PLCH2: variants seen among roughly 807,000 people sequenced by gnomAD.
PLCH2 encodes phospholipase C eta 2.
In PLCH2, 98 loss-of-function variants were observed where a neutral mutation model predicts 134.7. The ratio of observed to expected loss-of-function variants is 0.73; its 90% CI spans 0.62 to 0.86. The LOEUF (loss-of-function observed/expected upper bound fraction) is 0.86. Among genes scored for constraint, PLCH2 ranks in the 40% least tolerant of loss-of-function variants. The pLI is 0.00. For missense variants in PLCH2, 1,994 were observed against 1,986.6 expected (o/e 1.00, Z -0.07); for synonymous variants, 974 against 827.5 (o/e 1.18, Z -3.04).
chr1:2,447,088 C>T (rs190949031), intron 2 of PLCH2, among the ~76,000 whole-genome samples: 8 of 152,342 alleles, frequency 5.3e-5, no homozygotes, highest in Non-Finnish European at 8.8e-5. Context: ...GTGTCGATTC[C>T]GGGGTCTCCA....
intron 2 of PLCH2, among the ~76,000 whole-genome samples, chr1:2,443,142 C>A (rs376996750): frequency 6.6e-6 from 1 of 152,198 alleles, no homozygotes; most frequent in Non-Finnish European, 1.5e-5. Context: ...CTCCCTCCCC[C>A]CAGAGGTGGG....
chr1:2,464,581 G>T (rs549849055), upstream of PLCH2, among the ~76,000 whole-genome samples: 44 of 152,334 alleles, frequency 2.9e-4, no homozygotes, highest in South Asian at 2.3e-3. Flanking sequence ...AACTTTTGCT[G>T]CAGGATGGCT....
At position 2,502,421 on chromosome 1, in the gene PLCH2, G is replaced by A; in HGVS notation, c.2959+12G>A. On this transcript the variant is annotated intron_variant, in intron 21 of 21. Coordinates refer to ENST00000378486, the MANE Select transcript of PLCH2 (RefSeq NM_014638.4). ...CGGCAGCCCCCGAGGTAAGGCGCCA[G>A]CTGCGGTGGCAGAGAAGAGCCCTGT... is the stretch of plus-strand genomic sequence containing the variant. The A allele has an allele frequency of 6.5e-7, 1 of 1,544,142 alleles. No homozygotes were observed. Among genetic ancestry groups the A allele is most frequent in the Non-Finnish European group, 8.7e-7 (1 of 1,146,022 alleles).
chr1:2,417,951 C>T, the PLCH2 span, among the ~76,000 whole-genome samples: 39 of 152,340 alleles, frequency 2.6e-4, no homozygotes, highest in Admixed American at 2.0e-3. Flanking sequence ...GGGTGCCCTC[C>T]GGGGCCTGCC....
Position 2,499,073 on chromosome 1 carries a change from T to A in PLCH2, c.2435-11T>A, listed in dbSNP as rs1454020100. ...CCCCATGGGACACTCCTCCTGGCGC[T>A]GCTTCCCCAGGGTTCAACCCCACCT... On this transcript the variant is annotated splice_polypyrimidine_tract_variant and intron_variant, in intron 18 of 21. Transcript: ENST00000378486. 1 of 1,605,656 alleles carries A rather than the reference T, an allele frequency of 6.2e-7. No homozygotes were observed. The highest frequency in any genetic ancestry group is 2.2e-5 in the East Asian group (1 of 44,562).
upstream of PLCH2, among the ~76,000 whole-genome samples, chr1:2,474,147 G>A (rs1443432344): frequency 1.3e-5 from 2 of 152,120 alleles, no homozygotes; most frequent in Non-Finnish European, 2.9e-5. Context: ...CGGCATGGGG[G>A]TGGGGCAGCC....
Position 2,498,370 on chromosome 1 carries a change from G to GC in PLCH2, c.2225-147dup. On this transcript the variant is annotated intron_variant, in intron 16 of 21. Coordinates refer to ENST00000378486, the MANE Select transcript of PLCH2 (RefSeq NM_014638.4). This position sits in a 1 kb window ranked among gnomAD's most constrained non-coding sequence, Gnocchi z 5.4. The stretch of plus-strand genomic sequence containing the variant: ...TACTGGGCCAGGTGCACCCCGAGGT[G>GC]CCCCCCTGGACCACTGCCTCCCTCC... The GC allele has an allele frequency of 2.6e-6, 2 of 764,940 alleles. No homozygotes were observed. Among genetic ancestry groups the GC allele is most frequent in the South Asian group, 1.9e-5 (1 of 53,930 alleles). The allele number at this position is 764,940 out of a possible 1,614,324, so 47.4% of individuals were successfully genotyped here.
chr1:2,489,814 G>A lies in PLCH2; in HGVS notation c.1462G>A (p.Asp488Asn). 6.2e-7 allele frequency: 1 copy of A among 1,613,820 alleles called. No homozygotes were observed. The highest frequency in any genetic ancestry group is 1.6e-4 in the Middle Eastern group (1 of 6,062). ...SEDAEEGEVSDEDSADEIDDD... is the reference protein window; with the variant it reads ...SEDAEEGEVSNEDSADEIDDD... ...GGATGCGGAGGAAGGCGAGGTGTCTGATGAGGACAGTGCTGATGAGATTGA... is the reference window on the plus strand; with the variant it reads ...GGATGCGGAGGAAGGCGAGGTGTCTAATGAGGACAGTGCTGATGAGATTGA... Residue 488 changes from aspartate to asparagine, a missense_variant, in exon 10 of 22, where the codon GAT becomes AAT. Asp to Asn is a conservative substitution (Grantham distance 23). Coordinates refer to ENST00000378486, the MANE Select transcript of PLCH2 (RefSeq NM_014638.4).
chr1:2,456,888 C>T (rs958547547), intron 2 of PLCH2, among the ~76,000 whole-genome samples: 1 of 152,146 alleles, frequency 6.6e-6, no homozygotes, highest in African/African-American at 2.4e-5. Context: ...CAAGGGGCTT[C>T]CAGGTGGGAA....
At chr1:2,425,994 C>T (rs1472239644) in exon 1 of PLCH2, 1 of 152,288 alleles carries the variant, frequency 6.6e-6, no homozygotes, top group Non-Finnish European at 1.5e-5. Context: ...TTTGCTGCGG[C>T]AGCTTTCTGT....
Position 2,504,916 on chromosome 1 carries a change from C to G in PLCH2, c.3954C>G (p.Pro1318=). 1 of 1,577,422 alleles carries G rather than the reference C, an allele frequency of 6.3e-7. No individual in the cohort carries two copies. The highest frequency in any genetic ancestry group is 1.1e-5 in the South Asian group (1 of 87,074). The change falls in exon 22 of 22, where the codon CCC becomes CCG. Residue 1318 remains proline (P), a synonymous_variant. Coordinates refer to ENST00000378486, the MANE Select transcript of PLCH2 (RefSeq NM_014638.4). ...AGCAGGCAGGAGACATCACGTCACCCACCAGCCTGGGCCCGGCTGGGGAGG... is the reference window on the plus strand; with the variant it reads ...AGCAGGCAGGAGACATCACGTCACCGACCAGCCTGGGCCCGGCTGGGGAGG... ...VFQQAGDITS[P]TSLGPAGEGV...
chr1:2,465,670 G>A (rs769646002), upstream of PLCH2, among the ~76,000 whole-genome samples: 3 of 152,246 alleles, frequency 2.0e-5, no homozygotes, highest in Admixed American at 6.5e-5. Context: ...TAGGAGATCA[G>A]AATCTTAAGC....
At chr1:2,417,871 A>G in the PLCH2 span, among the ~76,000 whole-genome samples, 1 of 152,142 alleles carries the variant, frequency 6.6e-6, no homozygotes, top group Non-Finnish European at 1.5e-5. Flanking sequence ...CAGCTTCCTC[A>G]CCTGTCAAGT....
At chr1:2,480,084 G>T (rs41315668) in intron 3 of PLCH2, 99 bp from the exon 4 acceptor site, 17,535 of 1,579,226 alleles carry the variant, frequency 0.011, 247 homozygotes, top group African/African-American at 0.07. Context: ...GGAAGTGGCC[G>T]GTAGGCTGGG....
chr1:2,503,630 G>A (rs1425271842), intron 21 of PLCH2: 1 of 697,212 alleles, frequency 1.4e-6, no homozygotes, highest in Admixed American at 2.0e-5. Flanking sequence ...GGAACTGAGA[G>A]CGGCGAGTGA....
chr1:2,474,590 G>A (rs1641515382), upstream of PLCH2, among the ~76,000 whole-genome samples: 1 of 146,796 alleles, frequency 6.8e-6, no homozygotes, highest in South Asian at 2.3e-4. Context: ...GCTGATGGGG[G>A]ATCAGCTAGT....
chr1:2,468,177 G>T (rs374857918), intron 1 of PLCH2, among the ~76,000 whole-genome samples: 3 of 152,378 alleles, frequency 2.0e-5, no homozygotes, highest in East Asian at 3.9e-4. Context: ...GGTTGGCAAA[G>T]GTGGCCCTGA....
At position 2,504,825 on chromosome 1, in the gene PLCH2, G is replaced by C; in HGVS notation, c.3863G>C (p.Arg1288Pro). Residue 1288 changes from arginine to proline, a missense_variant, in exon 22 of 22, where the codon CGG becomes CCG. Physicochemically the swap from Arg to Pro is moderately radical, Grantham distance 103. Coordinates refer to ENST00000378486, the MANE Select transcript of PLCH2 (RefSeq NM_014638.4). ...CTGGGCCTCCCGGGAGGGACACGGC[G>C]GGTGTCGGGGCCAGGGGTGAGACGG... ...HSLGLPGGTR[R>P]VSGPGVRRDT... is the part of the protein sequence containing the mutation. The C allele has an allele frequency of 6.2e-7, 1 of 1,609,330 alleles. No homozygotes were observed. Among genetic ancestry groups the C allele is most frequent in the Non-Finnish European group, 8.5e-7 (1 of 1,178,544 alleles).
At chr1:2,424,902 T>C (rs1212855460), upstream of PLCH2, among the ~76,000 whole-genome samples, 2 of 151,870 alleles carry the variant, frequency 1.3e-5, no homozygotes, top group African/African-American at 4.8e-5. Context: ...AGGAGAATGG[T>C]GTGGACCCGG....
Sources: gnomAD v4.1 joint callset for allele counts (sites outside exome capture counted in the v4.1 genomes callset) on GRCh38, gnomAD v4.1.1 for gene constraint, Gnocchi (gnomAD v3.1) non-coding constraint, MANE v1.5 for transcripts, NCBI Gene and HGNC (gene_info 2026-07-23, HGNC 2026-07-21) for gene names.